The following CFAP47 variants were observed in gnomAD, a reference collection of about 807,000 sequenced individuals.
The protein encoded by CFAP47 is cilia and flagella associated protein 47.
CFAP47 carries 29 observed loss-of-function variants against 148.1 expected under a neutral mutation model. That is an observed-to-expected ratio of 0.20 (90% CI 0.15 to 0.27). The LOEUF (loss-of-function observed/expected upper bound fraction) is 0.27. CFAP47 is among the 10% of genes least tolerant of loss of function. CFAP47 has a pLI of 1.00. For synonymous variants in CFAP47, 664 were observed against 577.3 expected, an observed-to-expected ratio of 1.15 and a Z score of -2.15; for missense variants, 1,872 against 1,697.5, an observed-to-expected ratio of 1.10 and a Z score of -1.81.
chrX:36,053,484 C>T (rs749499610), intron 26 of CFAP47, among the ~76,000 whole-genome samples: 20 of 111,383 alleles, frequency 1.8e-4, no homozygotes, highest in Non-Finnish European at 3.4e-4. Flanking sequence ...ATACACTTGT[C>T]CACCTTCCTT....
At chrX:35,969,406 A>G (rs1345803595) in intron 10 of CFAP47, among the ~76,000 whole-genome samples, 4 of 111,781 alleles carry the variant, frequency 3.6e-5, no homozygotes, top group African/African-American at 1.3e-4. Flanking sequence ...TCAGGCATAG[A>G]GTAGGCACTT....
At chrX:36,243,683 A>G (rs1940577914) in intron 48 of CFAP47, among the ~76,000 whole-genome samples, 2 of 84,519 alleles carry the variant, frequency 2.4e-5, no homozygotes, top group African/African-American at 9.7e-5. Context: ...ATATATATAT[A>G]TATATTCAAT....
chrX:36,067,865 G>T (rs1443678726), intron 27 of CFAP47, among the ~76,000 whole-genome samples: 1 of 109,340 alleles, frequency 9.1e-6, no homozygotes, highest in Non-Finnish European at 1.9e-5. Flanking sequence ...GGGTTTCACC[G>T]TGGTCTCAAT....
intron 49 of CFAP47, among the ~76,000 whole-genome samples, chrX:36,275,262 C>T (rs782538864): frequency 1.8e-5 from 2 of 108,791 alleles, no homozygotes; most frequent in African/African-American, 6.7e-5. Context: ...TTTGTAGGAA[C>T]GGGATTTTGC....
rs782516780 is a variant in CFAP47, at chrX:36,198,536, AG to A, written c.6322-1841del. Among the ~76,000 whole-genome samples, 24 of 112,487 alleles carry A rather than the reference AG, an allele frequency of 2.1e-4. No homozygotes were observed. In the South Asian group the frequency reaches 2.6e-3, roughly 12 times the overall value. On this transcript the variant is annotated intron_variant, in intron 42 of 63. Coordinates refer to ENST00000378653, the MANE Select transcript of CFAP47 (RefSeq NM_001304548.2). ...CTGGATCAGGAAAAAGACCCGGAAA[AG>A]GAAAGGGGATTCTCTACAGAATGTA...
intron 57 of CFAP47, among the ~76,000 whole-genome samples, chrX:36,331,626 A>T (rs1469223624): frequency 1.8e-5 from 2 of 111,565 alleles, no homozygotes; most frequent in African/African-American, 6.5e-5. Context: ...ATCTAGTTTT[A>T]TCTTGCCAAA....
intron 51 of CFAP47, 107 bp from the exon 52 acceptor site, chrX:36,298,870 A>C (rs1941270773): frequency 2.2e-6 from 1 of 446,814 alleles, no homozygotes; most frequent in South Asian, 5.1e-5. Flanking sequence ...AAAAAATAAA[A>C]CAAATGGCCT....
Position 36,379,537 on chromosome X carries a change from A to G in CFAP47, c.9354+19A>G, listed in dbSNP as rs1556023704. 1 of 1,102,236 alleles carries G rather than the reference A, an allele frequency of 9.1e-7. No individual in the cohort carries two copies. Among genetic ancestry groups the G allele is most frequent in the Admixed American group, 2.6e-5 (1 of 38,606 alleles). The allele number at this position is 1,102,236 out of a possible 1,213,427, so 90.8% of individuals were successfully genotyped here. ...AATACAGGTGAGTTCTATAAGGGCAATAGCCAAGGATGTTTGATGCAACTA... is the reference window on the plus strand; with the variant it reads ...AATACAGGTGAGTTCTATAAGGGCAGTAGCCAAGGATGTTTGATGCAACTA... On this transcript the variant is annotated intron_variant, in intron 63 of 63. Coordinates refer to ENST00000378653, the MANE Select transcript of CFAP47 (RefSeq NM_001304548.2).
chrX:35,979,055 G>T (rs1488658127), intron 15 of CFAP47, among the ~76,000 whole-genome samples: 2 of 111,348 alleles, frequency 1.8e-5, no homozygotes, highest in Non-Finnish European at 3.8e-5. Context: ...TCAGCTCACT[G>T]CAACCTCCAC....
chrX:36,079,639 G>A (rs12560236), intron 29 of CFAP47, among the ~76,000 whole-genome samples: 2 of 111,286 alleles, frequency 1.8e-5, no homozygotes, highest in African/African-American at 6.5e-5. Context: ...CCTTTAGCTC[G>A]GAGAAGTTTG....
At chrX:35,982,444 A>G (rs779226574) in intron 15 of CFAP47, among the ~76,000 whole-genome samples, 6 of 111,500 alleles carry the variant, frequency 5.4e-5, no homozygotes, top group Non-Finnish European at 1.1e-4. Context: ...ATTTTGCTGT[A>G]TAGAAGCTCT....
chrX:36,209,841 T>TAG (rs1940080335), intron 45 of CFAP47, among the ~76,000 whole-genome samples: 2 of 111,500 alleles, frequency 1.8e-5, no homozygotes, highest in Non-Finnish European at 3.8e-5. Context: ...CAGTCAATTT[T>TAG]AGAACACTTT....
chrX:36,371,252 CA>C (rs1298451351), intron 62 of CFAP47, among the ~76,000 whole-genome samples: 3 of 110,549 alleles, frequency 2.7e-5, no homozygotes, highest in African/African-American at 9.8e-5. Context: ...ATGAATTACA[CA>C]AAAAACTATA....
intron 1 of CFAP47, among the ~76,000 whole-genome samples, chrX:35,924,020 CACATATAT>C (rs1935643555): frequency 2.6e-5 from 2 of 77,725 alleles, no homozygotes; most frequent in African/African-American, 1.1e-4. Flanking sequence ...AATATATATG[CACATATAT>C]ATGCACATAT....
At chrX:36,300,211 T>C (rs1454670565) in intron 52 of CFAP47, among the ~76,000 whole-genome samples, 1 of 111,000 alleles carries the variant, frequency 9.0e-6, no homozygotes, top group Non-Finnish European at 1.9e-5. Flanking sequence ...AATGAGAAAA[T>C]TGAAGCTCAA....
At position 36,232,529 on chromosome X, in the gene CFAP47, G is replaced by A. The variant is rs1387945657; in HGVS notation, c.7015-3405G>A. Among the ~76,000 whole-genome samples, 6 of 111,274 alleles carry A rather than the reference G, an allele frequency of 5.4e-5. No individual in the cohort carries two copies. In the South Asian group the frequency reaches 1.1e-3, roughly 21 times the overall value. On this transcript the variant is annotated intron_variant, in intron 46 of 63. Transcript: ENST00000378653. ...GTTTTTCTTTATTAGTCTTGCTAGT[G>A]GTCTATCAATTTTGTTGATCCTTTC...
intron 21 of CFAP47, among the ~76,000 whole-genome samples, chrX:36,006,562 G>A (rs771862297): frequency 4.5e-5 from 5 of 111,896 alleles, no homozygotes; most frequent in Non-Finnish European, 9.4e-5. Context: ...AATGTAAATA[G>A]CAAATTGATG....
At chrX:36,218,099 C>T (rs782660969) in intron 45 of CFAP47, among the ~76,000 whole-genome samples, 1 of 93,397 alleles carries the variant, frequency 1.1e-5, no homozygotes, top group Non-Finnish European at 2.0e-5. Context: ...CTTAGTAAAT[C>T]AGTCTGCAAA....
intron 49 of CFAP47, among the ~76,000 whole-genome samples, chrX:36,264,327 C>T (rs944317302): frequency 1.8e-5 from 2 of 111,377 alleles, no homozygotes. Flanking sequence ...CTAGGGTTTG[C>T]TTAATGACTG....
Sources: allele counts gnomAD v4.1 joint callset (sites outside exome capture counted in the v4.1 genomes callset), GRCh38; gene constraint gnomAD v4.1.1; transcripts MANE v1.5; gene names NCBI Gene and HGNC (gene_info 2026-07-23, HGNC 2026-07-21).